ZBED5: variants seen among roughly 807,000 people sequenced by gnomAD.
ZBED5 encodes the protein zinc finger BED-type containing 5.
In ZBED5, 29 loss-of-function variants were observed where a neutral mutation model predicts 49.2. That is an observed-to-expected ratio of 0.59 (90% CI 0.44 to 0.80). ZBED5 has a LOEUF of 0.80. Among genes scored for constraint, ZBED5 ranks in the 30% least tolerant of loss-of-function variants. ZBED5 has a pLI of 0.00. For missense variants in ZBED5, 775 were observed against 812.9 expected (o/e 0.95, Z 0.57); for synonymous variants, 281 against 292.5 (o/e 0.96, Z 0.40).
chr11:10,854,011 TG>T lies in ZBED5; in HGVS notation c.934del (p.Gln312LysfsTer48). 1 of 1,551,538 alleles carries T rather than the reference TG, an allele frequency of 6.4e-7. No individual in the cohort carries two copies. The highest frequency in any genetic ancestry group is 8.7e-7 in the Non-Finnish European group (1 of 1,146,936). On this transcript the variant is annotated frameshift_variant, in exon 3 of 3. Coordinates refer to ENST00000413761, the MANE Select transcript of ZBED5 (RefSeq NM_001143667.2). LOFTEE classifies it high-confidence loss of function. The surrounding 1 kb of genome is among the most constrained non-coding windows in gnomAD (Gnocchi z 5.0). ...EEDLLLCESLQSNATGEEIFN... is the reference protein window; with the variant it reads ...EEDLLLCESLXSNATGEEIFN... ...TATTTCTTCACCGGTAGCATTACTT[TG>T]CAAAGATTCACACAGGAGTAGGTCT... is the stretch of plus-strand genomic sequence containing the variant.
chr11:10,853,559 C>T lies in ZBED5; in HGVS notation c.1387G>A (p.Asp463Asn), dbSNP rs1432527998. The T allele has an allele frequency of 1.3e-6, 2 of 1,549,998 alleles. No homozygotes were observed. The highest frequency in any genetic ancestry group is 2.0e-5 in the Admixed American group (1 of 50,760). Residue 463 changes from aspartate (D) to asparagine (N), a missense_variant, in exon 3 of 3, where the codon GAT becomes AAT. Coordinates refer to ENST00000413761, the MANE Select transcript of ZBED5 (RefSeq NM_001143667.2). The surrounding 1 kb of genome is among the most constrained non-coding windows in gnomAD (Gnocchi z 5.4). ...AGCCAAGATGAATTTGTTAAACAAT[C>T]AGATAGTCGAAAAGCAGAATCCATG... Reference protein sequence around the residue: ...VFMDSAFRLSDCLTNSSWLLR... With the variant: ...VFMDSAFRLSNCLTNSSWLLR...
chr11:10,854,519 A>G lies in ZBED5; in HGVS notation c.427T>C (p.Ser143Pro). 6.4e-7 allele frequency: 1 copy of G among 1,551,546 alleles called. No individual in the cohort carries two copies. The highest frequency in any genetic ancestry group is 8.7e-7 in the Non-Finnish European group (1 of 1,146,918). ...CTTCGAAGCTTACTAGGGGCTAAAG[A>G]GCTATTTGATAAAATTTTCTTACAT... ...VLCKKILSNS[S>P]LAPSKLRRHL... Residue 143 changes from serine to proline, a missense_variant, in exon 3 of 3, where the codon TCT (serine) becomes CCT (proline). Ser to Pro is a moderately conservative substitution (Grantham distance 74, BLOSUM62 -1). Transcript: ENST00000413761. The surrounding 1 kb of genome is among the most constrained non-coding windows in gnomAD (Gnocchi z 5.0).
In ZBED5 at chr11:10,853,300, A is replaced by G; in HGVS notation, c.1646T>C (p.Ile549Thr). ...GCGCAAACCCCTTAGGTGCTGCACA[A>G]TGGCACTGCAAATATCTTTATCAAC... ...STVDKDICSAIVQHLRGLRAT... is the reference protein window; with the variant it reads ...STVDKDICSATVQHLRGLRAT... The change falls in exon 3 of 3, where the codon ATT (isoleucine) becomes ACT (threonine). Residue 549 changes from isoleucine (I) to threonine (T), a missense_variant. Coordinates refer to ENST00000413761, the MANE Select transcript of ZBED5 (RefSeq NM_001143667.2). The surrounding 1 kb of genome is among the most constrained non-coding windows in gnomAD (Gnocchi z 5.4). 1 of 1,551,692 alleles carries G rather than the reference A, an allele frequency of 6.4e-7. No homozygotes were observed. The highest frequency in any genetic ancestry group is 8.7e-7 in the Non-Finnish European group (1 of 1,146,958).
Position 10,853,190 on chromosome 11 carries a change from A to AAG in ZBED5, c.1754_1755dup (p.Ser586LeufsTer3). The AAG allele has an allele frequency of 6.4e-7, 1 of 1,551,702 alleles. No homozygotes were observed. Among genetic ancestry groups the AAG allele is most frequent in the Non-Finnish European group, 8.7e-7 (1 of 1,146,968 alleles). On this transcript the variant is annotated frameshift_variant, in exon 3 of 3. Coordinates refer to ENST00000413761, the MANE Select transcript of ZBED5 (RefSeq NM_001143667.2). LOFTEE classifies it high-confidence loss of function. The surrounding 1 kb of genome is among the most constrained non-coding windows in gnomAD (Gnocchi z 5.4). ...CTCTCATAGTCCCGTGCTACTAATG[A>AAG]AGCTGGTTTAACAGTAACTGTAAAT... is the stretch of plus-strand genomic sequence containing the variant.
In ZBED5 at chr11:10,855,584, T is replaced by C. The variant is rs1444946517; in HGVS notation, c.-141-498A>G. The stretch of plus-strand genomic sequence containing the variant: ...TTTTGATGCCTACTGTCATTAGATG[T>C]ATTAGTTGTTGATACTATTATATAT... On this transcript the variant is annotated intron_variant, in intron 2 of 2. Coordinates refer to ENST00000413761, the MANE Select transcript of ZBED5 (RefSeq NM_001143667.2). The surrounding 1 kb of genome is among the most constrained non-coding windows in gnomAD (Gnocchi z 4.1). The C allele has an allele frequency of 6.6e-6, 1 of 152,244 alleles. No individual in the cohort carries two copies. Among genetic ancestry groups the C allele is most frequent in the Non-Finnish European group, 1.5e-5 (1 of 68,044 alleles). The allele number at this position is 152,244 out of a possible 1,614,324, so 9.4% of individuals were successfully genotyped here.
rs1245364660 is a variant in ZBED5, at chr11:10,857,778, C to A, written c.-256+84G>T. On this transcript the variant is annotated intron_variant, in intron 1 of 2. Transcript: ENST00000413761. This position sits in a 1 kb window ranked among gnomAD's most constrained non-coding sequence, Gnocchi z 6.3. Reference sequence around the variant, plus strand: ...AGCAGCGCCGCGGTCCACAGCAGAGCCCGCGACCGCCATCTTAGGCAGTTC... The same window carrying A: ...AGCAGCGCCGCGGTCCACAGCAGAGACCGCGACCGCCATCTTAGGCAGTTC... The A allele has an allele frequency of 6.6e-6, 1 of 152,362 alleles. No homozygotes were observed. The highest frequency in any genetic ancestry group is 2.4e-5 in the African/African-American group (1 of 41,486). The allele number at this position is 152,362 out of a possible 1,614,324, so 9.4% of individuals were successfully genotyped here. A position where few individuals can be genotyped will look rare whatever the true frequency, so the allele number is the denominator to read the frequency against.
rs992684158 is a variant in ZBED5, at chr11:10,857,036, G to C, written c.-255-779C>G. Reference sequence around the variant, plus strand: ...AGTCGAGGGTCTCATACTAGCAACAGCATAAAGCCCTGCTTCTTATTGGGA... The same window carrying C: ...AGTCGAGGGTCTCATACTAGCAACACCATAAAGCCCTGCTTCTTATTGGGA... On this transcript the variant is annotated intron_variant, in intron 1 of 2. Transcript: ENST00000413761. The surrounding 1 kb of genome is among the most constrained non-coding windows in gnomAD (Gnocchi z 6.3). 6.6e-6 allele frequency among the ~76,000 whole-genome samples: 1 copy of C among 152,174 alleles called. No individual in the cohort carries two copies. The highest frequency in any genetic ancestry group is 1.5e-5 in the Non-Finnish European group (1 of 68,034).
In ZBED5 at chr11:10,853,251, A is replaced by G; in HGVS notation, c.1695T>C (p.Pro565=). ...GLRATLLKYF[P]VTNDNNAWVR... is the part of the protein sequence containing the mutation. ...CCCAAGCATTATTGTCATTTGTTACAGGAAAGTATTTTAACAGAGTAGCGC... is the reference window on the plus strand; with the variant it reads ...CCCAAGCATTATTGTCATTTGTTACGGGAAAGTATTTTAACAGAGTAGCGC... Residue 565 remains proline, a synonymous_variant, in exon 3 of 3, where the codon CCT becomes CCC. Coordinates refer to ENST00000413761, the MANE Select transcript of ZBED5 (RefSeq NM_001143667.2). The surrounding 1 kb of genome is among the most constrained non-coding windows in gnomAD (Gnocchi z 5.4). 6.4e-7 allele frequency: 1 copy of G among 1,551,530 alleles called. No homozygotes were observed. Among genetic ancestry groups the G allele is most frequent in the Non-Finnish European group, 8.7e-7 (1 of 1,146,822 alleles).
At position 10,858,017 on chromosome 11, in the gene ZBED5, T is replaced by C. The variant is rs903195778; in HGVS notation, c.-411A>G. 5.1e-5 allele frequency: 15 copies of C among 291,912 alleles called. 1 individual carries two copies. In the Admixed American group the frequency reaches 6.8e-4, roughly 13 times the overall value. The allele number at this position is 291,912 out of a possible 1,614,324, so 18.1% of individuals were successfully genotyped here. On this transcript the variant is annotated 5_prime_UTR_variant, in exon 1 of 3. The change abolishes an upstream ATG in the 5' untranslated region. Transcript: ENST00000413761. ...AGGGATATCGCCTAGGCCATCTCCATAGAGATCCGATTCGCGGCTGGCGCG... is the reference window on the plus strand; with the variant it reads ...AGGGATATCGCCTAGGCCATCTCCACAGAGATCCGATTCGCGGCTGGCGCG...
chr11:10,856,344 A>G (rs1286524297), intron 1 of ZBED5, 87 bp from the exon 2 acceptor site: 1 of 152,222 alleles, frequency 6.6e-6, no homozygotes, highest in Non-Finnish European at 1.5e-5. Flanking sequence ...TCTGGATCTA[A>G]GCAGTGAAAA....
Position 10,853,046 on chromosome 11 carries a change from C to G in ZBED5, c.1900G>C (p.Val634Leu). 6.4e-7 allele frequency: 1 copy of G among 1,551,520 alleles called. No individual in the cohort carries two copies. Among genetic ancestry groups the G allele is most frequent in the Non-Finnish European group, 8.7e-7 (1 of 1,146,896 alleles). Residue 634 changes from valine (V) to leucine (L), a missense_variant, in exon 3 of 3, where the codon GTA becomes CTA. Transcript: ENST00000413761. The surrounding 1 kb of genome is among the most constrained non-coding windows in gnomAD (Gnocchi z 5.4). Reference sequence around the variant, plus strand: ...TGCATTGTAGCAAAAGGAAGAAGTACACGCACTGCACGCCTTGCAATGCTT... The same window carrying G: ...TGCATTGTAGCAAAAGGAAGAAGTAGACGCACTGCACGCCTTGCAATGCTT... ...YPSIARRAVRVLLPFATMHLC... is the reference protein window; with the variant it reads ...YPSIARRAVRLLLPFATMHLC...
rs1375698872 is a variant in ZBED5 at position 10,853,455 on chromosome 11, G to A, written c.1491C>T (p.Thr497=). ...VNLSMQGKNV[T]VFTVFDKMSS... The stretch of plus-strand genomic sequence containing the variant: ...ACATTTTATCAAATACTGTAAAAAC[G>A]GTCACATTTTTTCCTTGCATTGACA... Residue 497 remains threonine (T), a synonymous_variant, in exon 3 of 3, where the codon ACC becomes ACT. Coordinates refer to ENST00000413761, the MANE Select transcript of ZBED5 (RefSeq NM_001143667.2). This position sits in a 1 kb window ranked among gnomAD's most constrained non-coding sequence, Gnocchi z 5.4. 8 of 1,550,324 alleles carry A rather than the reference G, an allele frequency of 5.2e-6. No homozygotes were observed. Among genetic ancestry groups the A allele is most frequent in the South Asian group, 3.6e-5 (3 of 83,828 alleles).
chr11:10,853,834 T>C lies in ZBED5; in HGVS notation c.1112A>G (p.His371Arg), dbSNP rs1848137624. 1.3e-6 allele frequency: 2 copies of C among 1,551,536 alleles called. No homozygotes were observed. Among genetic ancestry groups the C allele is most frequent in the Admixed American group, 2.0e-5 (1 of 50,980 alleles). Residue 371 changes from histidine to arginine, a missense_variant, in exon 3 of 3, where the codon CAC (histidine) becomes CGC (arginine). Coordinates refer to ENST00000413761, the MANE Select transcript of ZBED5 (RefSeq NM_001143667.2). The surrounding 1 kb of genome is among the most constrained non-coding windows in gnomAD (Gnocchi z 5.4). ...CAGTGCATGTCTGTATAATAGGCAG[T>C]GACTACTGGTGCTTTCGGGAGCCAC... ...KYVAPESTSS[H>R]CLLYRHALAV...
In ZBED5 at chr11:10,854,124, T is replaced by C. The variant is rs375911015; in HGVS notation, c.822A>G (p.Ser274=). ...VCRLKICDGF[S]LQLDESADVS... ...CATCAGCTGATTCATCTAGTTGCAG[T>C]GAAAACCCATCGCAAATTTTCAGTC... is the stretch of plus-strand genomic sequence containing the variant. Residue 274 remains serine (S), a synonymous_variant, in exon 3 of 3, where the codon TCA becomes TCG. Transcript: ENST00000413761. This position sits in a 1 kb window ranked among gnomAD's most constrained non-coding sequence, Gnocchi z 5.0. The C allele has an allele frequency of 1.3e-6, 2 of 1,550,814 alleles. No individual in the cohort carries two copies. Among genetic ancestry groups the C allele is most frequent in the Non-Finnish European group, 1.7e-6 (2 of 1,146,442 alleles).
rs1848156813 is a variant in ZBED5 at position 10,854,659 on chromosome 11, G to C, written c.287C>G (p.Ser96Cys). 1 of 1,551,104 alleles carries C rather than the reference G, an allele frequency of 6.4e-7. No individual in the cohort carries two copies. Among genetic ancestry groups the C allele is most frequent in the Non-Finnish European group, 8.7e-7 (1 of 1,146,900 alleles). Residue 96 changes from serine to cysteine, a missense_variant, in exon 3 of 3, where the codon TCC (serine) becomes TGC (cysteine). Coordinates refer to ENST00000413761, the MANE Select transcript of ZBED5 (RefSeq NM_001143667.2). The surrounding 1 kb of genome is among the most constrained non-coding windows in gnomAD (Gnocchi z 5.0). Reference protein sequence around the residue: ...ELSRVKFISNSNKITFSKKPK... With the variant: ...ELSRVKFISNCNKITFSKKPK... ...TTTTTTACTAAATGTTATTTTGTTG[G>C]AATTGGATATAAATTTGACCCTGGA...
chr11:10,856,913 T>G (rs1402755876), intron 1 of ZBED5, among the ~76,000 whole-genome samples: 1 of 152,224 alleles, frequency 6.6e-6, no homozygotes, highest in Non-Finnish European at 1.5e-5. Flanking sequence ...ACTTGGGTGT[T>G]CCTGAATACT....
rs1590061729 is a variant in ZBED5 at position 10,855,808 on chromosome 11, C to T, written c.-142+336G>A. 6.6e-6 allele frequency: 1 copy of T among 151,782 alleles called. No individual in the cohort carries two copies. Among genetic ancestry groups the T allele is most frequent in the Non-Finnish European group, 1.5e-5 (1 of 67,984 alleles). 9.4% of individuals were successfully genotyped at this position (151,782 alleles called of 1,614,324 possible). A position where few individuals can be genotyped will look rare whatever the true frequency, so the allele number is the denominator to read the frequency against. On this transcript the variant is annotated intron_variant, in intron 2 of 2. Coordinates refer to ENST00000413761, the MANE Select transcript of ZBED5 (RefSeq NM_001143667.2). This position sits in a 1 kb window ranked among gnomAD's most constrained non-coding sequence, Gnocchi z 4.1. ...AACGTTTATATTATCCAAATTAAGA[C>T]TCAATGAAAGTAATGTATATTTTTA...
rs764164291 is a variant in ZBED5 at position 10,853,342 on chromosome 11, G to C, written c.1604C>G (p.Thr535Ser). ...TTTATCAACTGTAGAATTAATTTCAGTCAAAAAATCACTGAGTGTAGGAAA... is the reference window on the plus strand; with the variant it reads ...TTTATCAACTGTAGAATTAATTTCACTCAAAAAATCACTGAGTGTAGGAAA... ...DCFPTLSDFLTEINSTVDKDI... is the reference protein window; with the variant it reads ...DCFPTLSDFLSEINSTVDKDI... The change falls in exon 3 of 3, where the codon ACT becomes AGT. Residue 535 changes from threonine (T) to serine (S), a missense_variant. Thr to Ser is a moderately conservative substitution (Grantham distance 58). Transcript: ENST00000413761. The surrounding 1 kb of genome is among the most constrained non-coding windows in gnomAD (Gnocchi z 5.4). 6.4e-7 allele frequency: 1 copy of C among 1,551,546 alleles called. No individual in the cohort carries two copies. Among genetic ancestry groups the C allele is most frequent in the Middle Eastern group, 1.7e-4 (1 of 5,990 alleles).
Position 10,854,621 on chromosome 11 carries a change from T to G in ZBED5, c.325A>C (p.Lys109Gln). 1 of 1,550,910 alleles carries G rather than the reference T, an allele frequency of 6.4e-7. No homozygotes were observed. The highest frequency in any genetic ancestry group is 1.4e-5 in the African/African-American group (1 of 73,066). The part of the protein sequence containing the change: ...ITFSKKPKRR[K>Q]YDESYLSFGF... The stretch of plus-strand genomic sequence containing the variant: ...AAAGACAAATAACTTTCATCATATT[T>G]TCTTCTTTTTGGTTTTTTACTAAAT... Residue 109 changes from lysine to glutamine, a missense_variant, in exon 3 of 3, where the codon AAA becomes CAA. Coordinates refer to ENST00000413761, the MANE Select transcript of ZBED5 (RefSeq NM_001143667.2). The surrounding 1 kb of genome is among the most constrained non-coding windows in gnomAD (Gnocchi z 5.0).
Sources: gnomAD v4.1 joint callset for allele counts (sites outside exome capture counted in the v4.1 genomes callset) on GRCh38, gnomAD v4.1.1 for gene constraint, Gnocchi (gnomAD v3.1) non-coding constraint, MANE v1.5 for transcripts, NCBI Gene and HGNC (gene_info 2026-07-23, HGNC 2026-07-21) for gene names.